ESF1: variants seen among roughly 807,000 people sequenced by gnomAD.
ESF1 encodes the protein ESF1 nucleolar pre-rRNA processing protein.
Under a neutral mutation model 92.0 loss-of-function variants are expected in ESF1, and 58 were observed. That is an observed-to-expected ratio of 0.63 (90% confidence interval 0.51 to 0.78). The LOEUF (loss-of-function observed/expected upper bound fraction) is 0.78, where lower values mean the gene tolerates loss of function less well. ESF1 is among the 30% of genes least tolerant of loss of function. The pLI is 0.00. For synonymous variants in ESF1, 321 were observed against 313.7 expected (o/e 1.02, Z -0.24); for missense variants, 922 against 989.1 (o/e 0.93, Z 0.91).
intron 9 of ESF1, among the ~76,000 whole-genome samples, chr20:13,756,255 T>C (rs965327955): frequency 2.6e-5 from 4 of 152,186 alleles, no homozygotes; most frequent in Non-Finnish European, 4.4e-5. Context: ...GAAAAACCCT[T>C]TACACTTGCA....
chr20:13,740,310 T>C (rs972312218), intron 9 of ESF1, among the ~76,000 whole-genome samples: 2 of 152,054 alleles, frequency 1.3e-5, no homozygotes, highest in Non-Finnish European at 2.9e-5. Context: ...ATATTGGAAT[T>C]ATCAGATACA....
At chr20:13,783,716 A>C (rs1980401242) in intron 1 of ESF1, among the ~76,000 whole-genome samples, 1 of 152,156 alleles carries the variant, frequency 6.6e-6, no homozygotes, top group Non-Finnish European at 1.5e-5. Flanking sequence ...TTTGGAGGCT[A>C]AGGCAAGAGG....
chr20:13,779,336 A>G (rs1018530442), intron 2 of ESF1, among the ~76,000 whole-genome samples: 4 of 152,204 alleles, frequency 2.6e-5, no homozygotes, highest in Admixed American at 6.5e-5. Context: ...AAAGGTGACT[A>G]GCAGTAATTT....
At chr20:13,733,891 A>G (rs1443105962) in intron 9 of ESF1, 49 bp from the exon 10 acceptor site, 2 of 1,552,356 alleles carry the variant, frequency 1.3e-6, no homozygotes, top group Non-Finnish European at 1.7e-6. Context: ...ATTGTCTGGC[A>G]ATCACTTAAA....
At chr20:13,728,524 A>G (rs2049917818) in intron 10 of ESF1, 59 bp from the exon 11 acceptor site, 2 of 1,275,674 alleles carry the variant, frequency 1.6e-6, no homozygotes, top group Non-Finnish European at 2.2e-6. Context: ...TAATAAATGT[A>G]TACCAAGAAA....
intron 7 of ESF1, among the ~76,000 whole-genome samples, chr20:13,767,925 G>T (rs191617151): frequency 6.6e-6 from 1 of 152,314 alleles, no homozygotes; most frequent in East Asian, 1.9e-4. Context: ...ATTCAGAAAT[G>T]ATCCCTATTC....
chr20:13,761,823 A>G (rs1979214151), intron 8 of ESF1, among the ~76,000 whole-genome samples: 1 of 152,250 alleles, frequency 6.6e-6, no homozygotes. Flanking sequence ...AGTTTGTTCT[A>G]CATTTCCACT....
intron 2 of ESF1, among the ~76,000 whole-genome samples, chr20:13,777,467 G>C (rs1408296746): frequency 6.6e-6 from 1 of 152,182 alleles, no homozygotes; most frequent in Non-Finnish European, 1.5e-5. Flanking sequence ...CTAAAAGAAA[G>C]TATCAATAAT....
rs371747175 is a variant in ESF1, at chr20:13,772,574, C to A, written c.1191G>T (p.Glu397Asp). The change falls in exon 5 of 14, where the codon GAG (glutamate) becomes GAT (aspartate). Residue 397 changes from glutamate (E) to aspartate (D), a missense_variant. Transcript: ENST00000617257. The stretch of plus-strand genomic sequence containing the variant: ...ATAGCTCTACTGGTCCTTGAACTTG[C>A]TCTTCCTTCATCCTCTCCTTTCCAA... ...SEFGKERMKE[E>D]QVQGPVELLS... 1 of 1,612,980 alleles carries A rather than the reference C, an allele frequency of 6.2e-7. No individual in the cohort carries two copies. Among genetic ancestry groups the A allele is most frequent in the Non-Finnish European group, 8.5e-7 (1 of 1,179,508 alleles).
chr20:13,746,851 CTAAA>C, intron 9 of ESF1, among the ~76,000 whole-genome samples: 1 of 152,320 alleles, frequency 6.6e-6, no homozygotes, highest in African/African-American at 2.4e-5. Context: ...TTCTTGCAAT[CTAAA>C]TATTTTCTTC....
chr20:13,764,766 TGAG>T (rs142180672), intron 8 of ESF1, among the ~76,000 whole-genome samples: 1,622 of 152,078 alleles, frequency 0.011, 26 homozygotes, highest in African/African-American at 0.037. Context: ...CTGGGTAGGC[TGAG>T]GAGGAGCAGG....
chr20:13,779,219 A>C (rs1046318640), intron 2 of ESF1, among the ~76,000 whole-genome samples: 2 of 150,562 alleles, frequency 1.3e-5, no homozygotes, highest in Non-Finnish European at 3.0e-5. Context: ...AACAAAAAAC[A>C]AAAAAAAACC....
rs761253254 is a variant in ESF1 at position 13,715,047 on chromosome 20, G to A, written c.2383C>T (p.Arg795Trp). Residue 795 changes from arginine (R) to tryptophan (W), a missense_variant, in exon 14 of 14, where the codon CGG becomes TGG. Physicochemically the swap from Arg to Trp is moderately radical, Grantham distance 101 (BLOSUM62 -3). Transcript: ENST00000617257. ...AMEKILEEKA[R>W]QRERKEQELT... ...TCTTGTTCTTTCCGTTCTCTTTGCC[G>A]GGCCTTCTCCTCAAGGATTTTTTCC... is the stretch of plus-strand genomic sequence containing the variant. 1.7e-5 allele frequency: 28 copies of A among 1,613,404 alleles called. 1 individual carries two copies. The highest frequency in any genetic ancestry group is 1.6e-4 in the East Asian group (7 of 44,864).
chr20:13,755,676 C>T, intron 9 of ESF1, among the ~76,000 whole-genome samples: 1 of 152,138 alleles, frequency 6.6e-6, no homozygotes, highest in East Asian at 1.9e-4. Context: ...ATTTATAATC[C>T]TAATTAATAA....
In ESF1 at chr20:13,714,819, A is replaced by AT; in HGVS notation, c.*54dup. The AT allele has an allele frequency of 7.2e-7, 1 of 1,392,054 alleles. No individual in the cohort carries two copies. The highest frequency in any genetic ancestry group is 9.7e-7 in the Non-Finnish European group (1 of 1,029,848). 86.2% of individuals were successfully genotyped at this position (1,392,054 alleles called of 1,614,324 possible). A position where few individuals can be genotyped will look rare whatever the true frequency, so the allele number is the denominator to read the frequency against. Reference sequence around the variant, plus strand: ...TTCCCAATAAATATTCCCTCCTATTATTTTTGTACATTTTAGGAAAAGATG... The same window carrying AT: ...TTCCCAATAAATATTCCCTCCTATTATTTTTTGTACATTTTAGGAAAAGATG... On this transcript the variant is annotated 3_prime_UTR_variant, in exon 14 of 14. Transcript: ENST00000617257.
At chr20:13,750,064 T>C (rs1978559050) in intron 9 of ESF1, among the ~76,000 whole-genome samples, 1 of 152,214 alleles carries the variant, frequency 6.6e-6, no homozygotes, top group Non-Finnish European at 1.5e-5. Context: ...CCATTGCATA[T>C]TGCATACAGT....
At chr20:13,751,941 G>A (rs939677757) in intron 9 of ESF1, among the ~76,000 whole-genome samples, 1 of 152,136 alleles carries the variant, frequency 6.6e-6, no homozygotes, top group African/African-American at 2.4e-5. Flanking sequence ...GTTGCAGTGA[G>A]CCAAGATAGC....
intron 2 of ESF1, among the ~76,000 whole-genome samples, chr20:13,781,046 C>T (rs958274826): frequency 5.3e-5 from 8 of 152,280 alleles, no homozygotes; most frequent in Admixed American, 2.0e-4. Context: ...CAAAGTAGTG[C>T]GTCCCCTATG....
chr20:13,755,419 CAG>C (rs1978848266), intron 9 of ESF1, among the ~76,000 whole-genome samples: 2 of 152,078 alleles, frequency 1.3e-5, no homozygotes, highest in African/African-American at 4.8e-5. Context: ...ACTATTAATA[CAG>C]GGGAAGTTAT....
Sources: allele counts gnomAD v4.1 joint callset (sites outside exome capture counted in the v4.1 genomes callset), GRCh38; gene constraint gnomAD v4.1.1; transcripts MANE v1.5; gene names NCBI Gene and HGNC (gene_info 2026-07-23, HGNC 2026-07-21).